The following LOC400499 variants were observed in gnomAD, a reference collection of about 807,000 sequenced individuals.
the LOC400499 span, among the ~76,000 whole-genome samples, chr16:11,415,999 A>G: frequency 6.7e-6 from 1 of 148,904 alleles, no homozygotes; most frequent in East Asian, 2.0e-4. Flanking sequence ...TCTGTGGCCC[A>G]GGCTGGAGTG....
At chr16:11,450,771 C>T in the LOC400499 span, 12 of 1,536,120 alleles carry the variant, frequency 7.8e-6, no homozygotes, top group Non-Finnish European at 9.6e-6. Flanking sequence ...GCCAGTATAG[C>T]CTGTGAGCTG....
chr16:11,451,972 G>A, the LOC400499 span, among the ~76,000 whole-genome samples: 2 of 152,186 alleles, frequency 1.3e-5, no homozygotes, highest in African/African-American at 4.8e-5. Flanking sequence ...GATCCCTGGA[G>A]AGCCAGGTCC....
At chr16:11,433,445 T>G in the LOC400499 span, among the ~76,000 whole-genome samples, 5 of 152,222 alleles carry the variant, frequency 3.3e-5, no homozygotes, top group East Asian at 9.6e-4. Context: ...TGTACCAGAA[T>G]GTGCAGTACT....
the LOC400499 span, among the ~76,000 whole-genome samples, chr16:11,502,617 CTTT>C: frequency 7.0e-6 from 1 of 143,142 alleles, no homozygotes; most frequent in Admixed American, 7.1e-5. Flanking sequence ...TATACATACT[CTTT>C]TTTTTTTTTT....
chr16:11,415,506 AGAGGACCACTT>A, the LOC400499 span, among the ~76,000 whole-genome samples: 2 of 152,204 alleles, frequency 1.3e-5, no homozygotes. Flanking sequence ...AACACACGGG[AGAGGACCACTT>A]GTGGGACATG....
chr16:11,525,392 T>C, the LOC400499 span, among the ~76,000 whole-genome samples: 10,515 of 152,042 alleles, frequency 0.069, 405 homozygotes, highest in African/African-American at 0.083. Flanking sequence ...CTTTAAAACA[T>C]TGGACATGGT....
chr16:11,451,399 G>A, the LOC400499 span, among the ~76,000 whole-genome samples: 6 of 152,132 alleles, frequency 3.9e-5, no homozygotes, highest in African/African-American at 9.7e-5. Flanking sequence ...GGGCAACAAA[G>A]CGAGACCCCA....
chr16:11,508,547 C>T, the LOC400499 span, among the ~76,000 whole-genome samples: 1 of 152,250 alleles, frequency 6.6e-6, no homozygotes, highest in Non-Finnish European at 1.5e-5. Context: ...GATTTCCTTG[C>T]TTCTGCAACC....
At chr16:11,460,999 CAG>C in the LOC400499 span, 1 of 1,535,974 alleles carries the variant, frequency 6.5e-7, no homozygotes, top group South Asian at 1.2e-5. Flanking sequence ...GGAGTTGGTC[CAG>C]AGCTGGCCCC....
the LOC400499 span, among the ~76,000 whole-genome samples, chr16:11,422,097 T>G: frequency 6.6e-6 from 1 of 152,146 alleles, no homozygotes; most frequent in Non-Finnish European, 1.5e-5. Context: ...GCACACAGGT[T>G]TATCATTGAA....
the LOC400499 span, chr16:11,491,653 A>ACCCCCCCCCCCC: frequency 3.9e-6 from 1 of 256,068 alleles, no homozygotes; most frequent in Non-Finnish European, 7.3e-6. Context: ...GTGCCCTCCC[A>ACCCCCCCCCCCC]GCCCCACCCC....
the LOC400499 span, among the ~76,000 whole-genome samples, chr16:11,465,001 AGAG>A: frequency 6.6e-6 from 1 of 152,192 alleles, no homozygotes; most frequent in South Asian, 2.1e-4. Context: ...CAGAGCTGGA[AGAG>A]GAGAATGTAT....
chr16:11,396,098 G>A, the LOC400499 span, among the ~76,000 whole-genome samples: 10 of 152,202 alleles, frequency 6.6e-5, 1 homozygote, highest in South Asian at 1.2e-3. Context: ...TGCTCTAAGC[G>A]ATCTATGCCT....
the LOC400499 span, among the ~76,000 whole-genome samples, chr16:11,445,596 G>A: frequency 6.6e-6 from 1 of 152,144 alleles, no homozygotes; most frequent in Non-Finnish European, 1.5e-5. Context: ...AGGACACGCA[G>A]AGGTCCCGAG....
chr16:11,494,474 G>A, the LOC400499 span: 1 of 391,526 alleles, frequency 2.6e-6, no homozygotes, highest in Non-Finnish European at 4.5e-6. Context: ...AGGGGCAAAG[G>A]GGGGAACCCA....
the LOC400499 span, among the ~76,000 whole-genome samples, chr16:11,387,518 C>T: frequency 2.6e-5 from 4 of 152,218 alleles, no homozygotes; most frequent in Non-Finnish European, 5.9e-5. Flanking sequence ...GGGACAGAAA[C>T]AAGCTGCCCC....
chr16:11,391,745 G>A, the LOC400499 span: 12 of 1,232,024 alleles, frequency 9.7e-6, no homozygotes, highest in Non-Finnish European at 1.1e-5. Context: ...TCAGTGCCTG[G>A]CTCCGGGCCC....
chr16:11,447,081 G>A, the LOC400499 span, among the ~76,000 whole-genome samples: 1 of 152,166 alleles, frequency 6.6e-6, no homozygotes, highest in Non-Finnish European at 1.5e-5. Context: ...TTACAATGTG[G>A]CATCCAGAAC....
At chr16:11,391,076 C>G in the LOC400499 span, among the ~76,000 whole-genome samples, 1 of 152,256 alleles carries the variant, frequency 6.6e-6, no homozygotes, top group Admixed American at 6.5e-5. Flanking sequence ...CGCATTCCTC[C>G]TGATTCACTG....
Sources: gnomAD v4.1 joint callset for allele counts (sites outside exome capture counted in the v4.1 genomes callset) on GRCh38, gnomAD v4.1.1 for gene constraint, MANE v1.5 for transcripts.